ITGAM: variants seen among roughly 807,000 people sequenced by gnomAD.
The protein encoded by ITGAM is integrin subunit alpha M.
In ITGAM, 79 loss-of-function variants were observed where a neutral mutation model predicts 137.5. The observed-to-expected ratio is 0.57, with a 90% CI of 0.48 to 0.69. The LOEUF (loss-of-function observed/expected upper bound fraction) is 0.69. ITGAM is among the 30% of genes least tolerant of loss of function. ITGAM has a pLI of 0.00. For missense variants in ITGAM, 1,343 were observed against 1,483.5 expected, an observed-to-expected ratio of 0.91 and a Z score of 1.56; for synonymous variants, 583 against 592.3, an observed-to-expected ratio of 0.98 and a Z score of 0.23.
At chr16:31,271,117 C>T in intron 6 of ITGAM, 33 bp downstream of exon 6, 1 of 1,473,270 alleles carries the variant, frequency 6.8e-7, no homozygotes, top group Non-Finnish European at 9.1e-7. Context: ...GGGAAGAGCC[C>T]ACACGGGGCT....
rs1259548039 is a variant in ITGAM, at chr16:31,330,293, T to G, written c.3061-15T>G. ...CGGCTTCCTTACCCGTCCCCTCCCC[T>G]CCTGCGTTCCCCAGAACTGCTCCAT... On this transcript the variant is annotated splice_polypyrimidine_tract_variant and intron_variant, in intron 26 of 29. Transcript: ENST00000544665. The G allele has an allele frequency of 1.9e-6, 3 of 1,607,874 alleles. No homozygotes were observed. The highest frequency in any genetic ancestry group is 2.6e-6 in the Non-Finnish European group (3 of 1,174,390).
In ITGAM at chr16:31,275,577, CCCG is replaced by C; in HGVS notation, c.890_892del (p.Arg297del). The C allele has an allele frequency of 6.2e-7, 1 of 1,613,992 alleles. No individual in the cohort carries two copies. Among genetic ancestry groups the C allele is most frequent in the Non-Finnish European group, 8.5e-7 (1 of 1,179,874 alleles). On this transcript the variant is annotated inframe_deletion, in exon 9 of 30. Coordinates refer to ENST00000544665, the MANE Select transcript of ITGAM (RefSeq NM_000632.4). ...GGAGATGCCTTCCGCAGTGAGAAAT[CCCG>C]CCAAGAGCTTAATACCATCGCATCC...
At chr16:31,291,519 G>C (rs79746047) in intron 12 of ITGAM, among the ~76,000 whole-genome samples, 1 of 151,886 alleles carries the variant, frequency 6.6e-6, no homozygotes, top group Non-Finnish European at 1.5e-5. Context: ...TTGTCTTTTC[G>C]ATAAAAGCCC....
At chr16:31,330,906 C>A (rs2080573264) in intron 28 of ITGAM, among the ~76,000 whole-genome samples, 1 of 142,364 alleles carries the variant, frequency 7.0e-6, no homozygotes, top group Non-Finnish European at 1.5e-5. Context: ...GAGAGAGATA[C>A]AGAGCGCGAC....
chr16:31,285,476 T>C (rs2144342947), intron 12 of ITGAM, among the ~76,000 whole-genome samples: 1 of 151,974 alleles, frequency 6.6e-6, no homozygotes, highest in African/African-American at 2.4e-5. Flanking sequence ...ATAAAAAATA[T>C]TAAAAAAAGT....
intron 28 of ITGAM, among the ~76,000 whole-genome samples, 193 bp from the exon 29 acceptor site, chr16:31,330,972 T>TA (rs2080574310): frequency 7.1e-6 from 1 of 140,226 alleles, no homozygotes; most frequent in African/African-American, 2.7e-5. Context: ...CAGAAAGCGA[T>TA]AGAGAGAGAT....
At chr16:31,282,309 G>A (rs1179698997) in intron 12 of ITGAM, among the ~76,000 whole-genome samples, 1 of 152,126 alleles carries the variant, frequency 6.6e-6, no homozygotes, top group Non-Finnish European at 1.5e-5. Context: ...GTCTAATGTT[G>A]ACAGTGGGGT....
intron 5 of ITGAM, among the ~76,000 whole-genome samples, chr16:31,270,744 T>TAA (rs1567248965): frequency 9.4e-6 from 1 of 106,112 alleles, no homozygotes; most frequent in Non-Finnish European, 1.9e-5. Context: ...TATATATATA[T>TAA]GTTTTTAACG....
intron 12 of ITGAM, among the ~76,000 whole-genome samples, chr16:31,290,122 A>G (rs1050147727): frequency 6.6e-6 from 1 of 151,852 alleles, no homozygotes; most frequent in Admixed American, 6.6e-5. Flanking sequence ...TGATTCTTAC[A>G]TATTGATCTT....
chr16:31,274,539 C>G (rs1017051908), intron 8 of ITGAM, among the ~76,000 whole-genome samples: 1 of 152,298 alleles, frequency 6.6e-6, no homozygotes, highest in Admixed American at 6.5e-5. Flanking sequence ...TGAGAACAGA[C>G]AGAGAAGAAT....
Position 31,329,912 on chromosome 16 carries a change from G to A in ITGAM, c.2976+7G>A, listed in dbSNP as rs921658949. On this transcript the variant is annotated splice_region_variant and intron_variant, in intron 25 of 29. Transcript: ENST00000544665. Reference sequence around the variant, plus strand: ...CCAGGTCACCTTCTCCGAGGTGAGCGGAGCTCGGCCTGACTCCTGCACGGC... The same window carrying A: ...CCAGGTCACCTTCTCCGAGGTGAGCAGAGCTCGGCCTGACTCCTGCACGGC... The A allele has an allele frequency of 1.9e-6, 3 of 1,556,252 alleles. No homozygotes were observed. Among genetic ancestry groups the A allele is most frequent in the African/African-American group, 1.4e-5 (1 of 73,358 alleles).
intron 12 of ITGAM, among the ~76,000 whole-genome samples, chr16:31,288,918 A>G (rs1219858533): frequency 6.6e-6 from 1 of 152,244 alleles, no homozygotes; most frequent in East Asian, 1.9e-4. Flanking sequence ...ACAAGAAAAA[A>G]ACAACCCCAT....
chr16:31,297,728 CT>C lies in ITGAM; in HGVS notation c.1498-16del, dbSNP rs1567265140. ...GGGTCGCCTGGGTTGGGGCCTGATACTGTTTGTGTTTAGCAGAGGGCTCGGT... is the reference window on the plus strand; with the variant it reads ...GGGTCGCCTGGGTTGGGGCCTGATACGTTTGTGTTTAGCAGAGGGCTCGGT... On this transcript the variant is annotated splice_polypyrimidine_tract_variant and intron_variant, in intron 13 of 29. Coordinates refer to ENST00000544665, the MANE Select transcript of ITGAM (RefSeq NM_000632.4). 1 of 1,596,342 alleles carries C rather than the reference CT, an allele frequency of 6.3e-7. No homozygotes were observed. The highest frequency in any genetic ancestry group is 2.2e-5 in the East Asian group (1 of 44,710).
At position 31,323,939 on chromosome 16, in the gene ITGAM, G is replaced by A. The variant is rs554346578; in HGVS notation, c.2003-460G>A. 1.5e-3 allele frequency among the ~76,000 whole-genome samples: 229 copies of A among 152,190 alleles called. 1 individual carries two copies. Among genetic ancestry groups the A allele is most frequent in the African/African-American group, 4.9e-3 (205 of 41,524 alleles). ...GAGGCAGGAGAAACGCTTGAACCTG[G>A]GAGGCAGAGGTTGCAGTGAGCTGAG... On this transcript the variant is annotated intron_variant, in intron 16 of 29. Transcript: ENST00000544665.
rs1355285198 is a variant in ITGAM, at chr16:31,331,275, G to A, written c.3387G>A (p.Lys1129=). 1.3e-6 allele frequency: 2 copies of A among 1,589,286 alleles called. No homozygotes were observed. Among genetic ancestry groups the A allele is most frequent in the Admixed American group, 1.7e-5 (1 of 59,456 alleles). ...LLALITAALY[K]LGFFKRQYKD... ...CCCTCATCACCGCCGCGCTGTACAAGGTGCTCCCCGCTGCTCCCCCACCCC... is the reference window on the plus strand; with the variant it reads ...CCCTCATCACCGCCGCGCTGTACAAAGTGCTCCCCGCTGCTCCCCCACCCC... Residue 1129 remains lysine (K), a splice_region_variant and synonymous_variant, in exon 29 of 30, where the codon AAG becomes AAA. Transcript: ENST00000544665.
Position 31,331,651 on chromosome 16 carries a change from C to G in ITGAM, c.3403C>G (p.Arg1135Gly), listed in dbSNP as rs778306614. 1 of 1,609,856 alleles carries G rather than the reference C, an allele frequency of 6.2e-7. No individual in the cohort carries two copies. Among genetic ancestry groups the G allele is most frequent in the Non-Finnish European group, 8.5e-7 (1 of 1,178,308 alleles). Residue 1135 changes from arginine (R) to glycine (G), a missense_variant, in exon 30 of 30, where the codon CGG becomes GGG. Transcript: ENST00000544665. ...AALYKLGFFK[R>G]QYKDMMSEGG... is the part of the protein sequence containing the mutation. Reference sequence around the variant, plus strand: ...TGCCCCGCAGCTCGGCTTCTTCAAGCGGCAATACAAGGACATGATGAGTGA... The same window carrying G: ...TGCCCCGCAGCTCGGCTTCTTCAAGGGGCAATACAAGGACATGATGAGTGA...
chr16:31,263,426 G>T (rs2079727636), intron 2 of ITGAM, among the ~76,000 whole-genome samples: 1 of 152,140 alleles, frequency 6.6e-6, no homozygotes, highest in South Asian at 2.1e-4. Context: ...GATTTTTCCA[G>T]ATCCCCCTCT....
At position 31,297,795 on chromosome 16, in the gene ITGAM, C is replaced by T; in HGVS notation, c.1548C>T (p.Pro516=). 2.5e-6 allele frequency: 4 copies of T among 1,608,500 alleles called. No homozygotes were observed. The highest frequency in any genetic ancestry group is 1.7e-6 in the Non-Finnish European group (2 of 1,178,052). ...DAVLYGEQGQ[P]WGRFGAALTV... Reference sequence around the variant, plus strand: ...TTCTCTACGGGGAGCAGGGCCAACCCTGGGGCCGCTTTGGGGCAGCCCTAA... The same window carrying T: ...TTCTCTACGGGGAGCAGGGCCAACCTTGGGGCCGCTTTGGGGCAGCCCTAA... Residue 516 remains proline (P), a synonymous_variant, in exon 14 of 30, where the codon CCC becomes CCT. Coordinates refer to ENST00000544665, the MANE Select transcript of ITGAM (RefSeq NM_000632.4).
chr16:31,265,706 C>T (rs564560536), intron 3 of ITGAM, 105 bp from the exon 4 acceptor site: 53 of 974,418 alleles, frequency 5.4e-5, no homozygotes, highest in East Asian at 4.7e-4. Flanking sequence ...CCCCCTTCAC[C>T]GTCAGACCTC....
Sources: allele counts gnomAD v4.1 joint callset (sites outside exome capture counted in the v4.1 genomes callset), GRCh38; gene constraint gnomAD v4.1.1; transcripts MANE v1.5; gene names NCBI Gene and HGNC (gene_info 2026-07-23, HGNC 2026-07-21).